SGPP2: variants seen among roughly 807,000 people sequenced by gnomAD.
The protein encoded by SGPP2 is sphingosine 1-phosphate phosphohydrolase 2.
In SGPP2, 30 loss-of-function variants were observed where a neutral mutation model predicts 33.9. The observed-to-expected ratio is 0.89, with a 90% confidence interval of 0.66 to 1.20. The LOEUF (loss-of-function observed/expected upper bound fraction) is 1.20, where lower values mean the gene tolerates loss of function less well. Ranked by LOEUF, SGPP2 falls within the 50% of genes most tolerant of loss-of-function variation. SGPP2 has a pLI of 0.00. For synonymous variants in SGPP2, 233 were observed against 225.0 expected (o/e 1.04, Z -0.32); for missense variants, 458 against 532.1 (o/e 0.86, Z 1.37).
intron 1 of SGPP2, among the ~76,000 whole-genome samples, chr2:222,425,266 C>A (rs1300474344): frequency 1.3e-5 from 2 of 151,934 alleles, no homozygotes; most frequent in Non-Finnish European, 2.9e-5. Flanking sequence ...TGCAGCCGGG[C>A]TCAGCGCGCT....
intron 2 of SGPP2, among the ~76,000 whole-genome samples, chr2:222,501,939 G>T (rs983064283): frequency 2.0e-5 from 3 of 151,166 alleles, no homozygotes; most frequent in African/African-American, 4.9e-5. Flanking sequence ...TCATTTTTAA[G>T]ACAAATGCTT....
At chr2:222,481,081 G>A (rs781315601) in intron 2 of SGPP2, among the ~76,000 whole-genome samples, 3 of 152,260 alleles carry the variant, frequency 2.0e-5, no homozygotes, top group South Asian at 4.2e-4. Flanking sequence ...AACACACACT[G>A]GGTACCTGTT....
At chr2:222,552,942 G>A (rs35913657) in intron 4 of SGPP2, among the ~76,000 whole-genome samples, 2 of 152,044 alleles carry the variant, frequency 1.3e-5, no homozygotes, top group Non-Finnish European at 2.9e-5. Flanking sequence ...CATTAAAAAA[G>A]GACAAAAAAA....
chr2:222,492,084 G>T (rs1698205820), intron 2 of SGPP2, among the ~76,000 whole-genome samples: 1 of 152,170 alleles, frequency 6.6e-6, no homozygotes, highest in Admixed American at 6.5e-5. Flanking sequence ...TCCTTCGTAT[G>T]CTGGCATTGA....
chr2:222,489,109 T>G (rs1298389448), intron 2 of SGPP2, among the ~76,000 whole-genome samples: 2 of 152,188 alleles, frequency 1.3e-5, no homozygotes, highest in African/African-American at 4.8e-5. Context: ...TTTGTTTTAT[T>G]AGGCCTTAAT....
At chr2:222,453,841 C>T (rs1057156455) in intron 1 of SGPP2, among the ~76,000 whole-genome samples, 6 of 152,100 alleles carry the variant, frequency 3.9e-5, no homozygotes, top group African/African-American at 1.4e-4. Flanking sequence ...GGGTCAGCAC[C>T]CCTAACCCGT....
chr2:222,551,288 C>T (rs1255019736), intron 4 of SGPP2, among the ~76,000 whole-genome samples: 1 of 152,136 alleles, frequency 6.6e-6, no homozygotes, highest in African/African-American at 2.4e-5. Flanking sequence ...AACCGTGAAC[C>T]GTTTTCCCTC....
intron 2 of SGPP2, among the ~76,000 whole-genome samples, chr2:222,495,579 G>T (rs1168226508): frequency 6.6e-6 from 1 of 152,096 alleles, no homozygotes; most frequent in Non-Finnish European, 1.5e-5. Context: ...TCTCTATGCT[G>T]CTAGAAAACA....
At chr2:222,553,647 TGTGGCCTAGAG>T (rs534961307) in intron 4 of SGPP2, among the ~76,000 whole-genome samples, 43 of 152,222 alleles carry the variant, frequency 2.8e-4, no homozygotes, top group Non-Finnish European at 5.3e-4. Flanking sequence ...ATCAGGGCAG[TGTGGCCTAGAG>T]GTATGAGGAA....
intron 4 of SGPP2, among the ~76,000 whole-genome samples, chr2:222,539,631 T>C (rs1559173919): frequency 6.6e-6 from 1 of 152,230 alleles, no homozygotes; most frequent in Non-Finnish European, 1.5e-5. Context: ...ACTGGAATCC[T>C]TAGTCCTGCT....
At chr2:222,521,532 A>G (rs944266326) in intron 2 of SGPP2, among the ~76,000 whole-genome samples, 3 of 152,260 alleles carry the variant, frequency 2.0e-5, no homozygotes, top group African/African-American at 7.2e-5. Flanking sequence ...ATTAAAATAA[A>G]TAATATATGC....
At position 222,469,571 on chromosome 2, in the gene SGPP2, A is replaced by C. The variant is rs140609288; in HGVS notation, c.220-4997A>C. On this transcript the variant is annotated intron_variant, in intron 1 of 4. Coordinates refer to ENST00000321276, the MANE Select transcript of SGPP2 (RefSeq NM_152386.4). ...TCTTTTGCTGGCTAGTCAGAAATGTAGAGGTAGAATTCTGGAACTTGGTTT... is the reference window on the plus strand; with the variant it reads ...TCTTTTGCTGGCTAGTCAGAAATGTCGAGGTAGAATTCTGGAACTTGGTTT... Among the ~76,000 whole-genome samples the C allele has an allele frequency of 8.8e-3, 1,337 of 152,306 alleles. 25 individuals are homozygous for C. Among genetic ancestry groups the C allele is most frequent in the African/African-American group, 0.03 (1,251 of 41,566 alleles).
At chr2:222,424,422 G>A (rs1697025438), upstream of SGPP2, 1 of 214,334 alleles carries the variant, frequency 4.7e-6, no homozygotes, top group Non-Finnish European at 8.8e-6. Context: ...GCAAGGTGGA[G>A]GCAGACACCT....
chr2:222,542,779 A>G (rs1699017217), intron 4 of SGPP2, among the ~76,000 whole-genome samples: 1 of 149,244 alleles, frequency 6.7e-6, no homozygotes, highest in South Asian at 2.1e-4. Context: ...TGAGTTGTTG[A>G]TCAGATACAT....
chr2:222,507,878 C>T (rs866454948), intron 2 of SGPP2, among the ~76,000 whole-genome samples: 9 of 152,186 alleles, frequency 5.9e-5, no homozygotes, highest in Non-Finnish European at 1.0e-4. Context: ...TTTATTTAAC[C>T]GTGTCCTGTC....
chr2:222,537,516 A>G (rs1698933102), intron 4 of SGPP2, among the ~76,000 whole-genome samples: 1 of 152,224 alleles, frequency 6.6e-6, no homozygotes, highest in Non-Finnish European at 1.5e-5. Flanking sequence ...TACAAATAAA[A>G]GTGAGATACC....
At chr2:222,481,608 C>T (rs928153116) in intron 2 of SGPP2, among the ~76,000 whole-genome samples, 7 of 152,188 alleles carry the variant, frequency 4.6e-5, no homozygotes. Flanking sequence ...ACTTTAGGCA[C>T]AGACCTCACC....
At chr2:222,497,317 A>G (rs1359767500) in intron 2 of SGPP2, among the ~76,000 whole-genome samples, 2 of 147,738 alleles carry the variant, frequency 1.4e-5, no homozygotes, top group African/African-American at 5.0e-5. Flanking sequence ...CAATGGTGCA[A>G]TCTCGGCTCA....
At chr2:222,426,209 C>CA (rs59881994) in intron 1 of SGPP2, among the ~76,000 whole-genome samples, 32,181 of 58,630 alleles carry the variant, frequency 0.55, 9,036 homozygotes, top group Non-Finnish European at 0.64. Context: ...GACTCCGTCT[C>CA]AAAAAAAAAA....
Sources: allele counts gnomAD v4.1 joint callset (sites outside exome capture counted in the v4.1 genomes callset), GRCh38; gene constraint gnomAD v4.1.1; transcripts MANE v1.5; gene names NCBI Gene and HGNC (gene_info 2026-07-23, HGNC 2026-07-21).